Variants in RNF138 observed in about 807,000 individuals in gnomAD.
RNF138 encodes E3 ubiquitin-protein ligase RNF138.
RNF138 carries 12 observed loss-of-function variants against 31.0 expected under a neutral mutation model. The ratio of observed to expected loss-of-function variants is 0.39; its 90% CI spans 0.25 to 0.63. The LOEUF (loss-of-function observed/expected upper bound fraction) is 0.63, where lower values mean the gene tolerates loss of function less well. RNF138 is among the 20% of genes least tolerant of loss of function. The pLI, the probability that RNF138 is intolerant of heterozygous loss-of-function variation, is 0.52. For missense variants in RNF138, 192 were observed against 300.1 expected (o/e 0.64, Z 2.66); for synonymous variants, 105 against 99.5 (o/e 1.06, Z -0.33).
chr18:32,100,912 T>C (rs1005605124), intron 2 of RNF138, among the ~76,000 whole-genome samples: 16 of 152,336 alleles, frequency 1.1e-4, no homozygotes, highest in African/African-American at 3.4e-4. Flanking sequence ...GCCTGAGATA[T>C]ATTTAAATTA....
intron 4 of RNF138, among the ~76,000 whole-genome samples, chr18:32,118,981 C>T (rs533340171): frequency 6.6e-6 from 1 of 152,106 alleles, no homozygotes; most frequent in African/African-American, 2.4e-5. Context: ...CTTTTTATAT[C>T]ATGCCTGAGA....
chr18:32,117,153 C>T (rs773327715), intron 4 of RNF138, among the ~76,000 whole-genome samples: 4 of 151,662 alleles, frequency 2.6e-5, no homozygotes, highest in African/African-American at 4.9e-5. Context: ...CCACCTGCCT[C>T]GGCCTCCCAA....
chr18:32,095,322 T>C (rs2039785433), intron 2 of RNF138, among the ~76,000 whole-genome samples: 1 of 152,056 alleles, frequency 6.6e-6, no homozygotes, highest in Non-Finnish European at 1.5e-5. Context: ...GGAGCATGCC[T>C]CCATGCCTGA....
intron 3 of RNF138, 57 bp downstream of exon 3, chr18:32,111,976 T>C: frequency 7.1e-7 from 1 of 1,418,110 alleles, no homozygotes; most frequent in Non-Finnish European, 9.5e-7. Context: ...TCTGAAATTC[T>C]TATTTGAATT....
In RNF138 at chr18:32,130,518, C is replaced by G. The variant is rs2040456081; in HGVS notation, c.*1331C>G. ...GACTAAGAGTGGATTTGCTGACATT[C>G]CATACTAATATACATTGTTTATGCT... On this transcript the variant is annotated 3_prime_UTR_variant, in exon 8 of 8. Transcript: ENST00000261593. The G allele has an allele frequency of 6.6e-6, 1 of 152,268 alleles. No homozygotes were observed. The allele number at this position is 152,268 out of a possible 1,614,324, so 9.4% of individuals were successfully genotyped here. A position where few individuals can be genotyped will look rare whatever the true frequency, so the allele number is the denominator to read the frequency against.
rs947488658 is a variant in RNF138, at chr18:32,092,941, TCCGGCCCGGGACC to T, written c.110+60_110+72del. The stretch of plus-strand genomic sequence containing the variant: ...GCCGGGTTGTCGCTTAGGCCCGGCC[TCCGGCCCGGGACC>T]CCGGGCTGCCGCCTGGCGGGAACCG... On this transcript the variant is annotated intron_variant, in intron 2 of 7. Coordinates refer to ENST00000261593, the MANE Select transcript of RNF138 (RefSeq NM_016271.5). 5 of 1,074,514 alleles carry T rather than the reference TCCGGCCCGGGACC, an allele frequency of 4.7e-6. No individual in the cohort carries two copies. The African/African-American group carries it at 8.4e-5, about 18-fold the overall frequency. 66.6% of individuals were successfully genotyped at this position (1,074,514 alleles called of 1,614,324 possible).
chr18:32,131,123 T>A lies in RNF138; in HGVS notation c.*1936T>A, dbSNP rs1055156482. 4.6e-5 allele frequency: 7 copies of A among 152,572 alleles called. No homozygotes were observed. The highest frequency in any genetic ancestry group is 4.1e-4 in the South Asian group (2 of 4,820). The allele number at this position is 152,572 out of a possible 1,614,324, so 9.5% of individuals were successfully genotyped here. On this transcript the variant is annotated 3_prime_UTR_variant, in exon 8 of 8. Transcript: ENST00000261593. ...TAAACCATTCTGGGATTTGGGAACT[T>A]CTTTAAAGGAAAATTGTAGTAGAGG...
chr18:32,094,081 G>A (rs908503476), intron 2 of RNF138, among the ~76,000 whole-genome samples: 1 of 152,098 alleles, frequency 6.6e-6, no homozygotes, highest in Non-Finnish European at 1.5e-5. Flanking sequence ...GTGAGCCACC[G>A]CGCCCCGCCC....
intron 3 of RNF138, among the ~76,000 whole-genome samples, chr18:32,112,947 C>T (rs2040157422): frequency 6.6e-6 from 1 of 152,180 alleles, no homozygotes; most frequent in African/African-American, 2.4e-5. Context: ...CAAGTCAGAT[C>T]TGCTTTTACA....
At chr18:32,113,987 T>A (rs1275445843) in intron 4 of RNF138, 127 bp downstream of exon 4, 8 of 537,884 alleles carry the variant, frequency 1.5e-5, no homozygotes, top group African/African-American at 2.0e-5. Context: ...TTAAAGTGAA[T>A]TGCCAAGTAT....
chr18:32,123,112 C>T (rs147966169), intron 4 of RNF138, among the ~76,000 whole-genome samples: 182 of 152,244 alleles, frequency 1.2e-3, no homozygotes, highest in African/African-American at 4.2e-3. Flanking sequence ...TAACCTTATA[C>T]CATGTCCTAG....
At chr18:32,098,957 A>G (rs1294630132) in intron 2 of RNF138, among the ~76,000 whole-genome samples, 1 of 146,112 alleles carries the variant, frequency 6.8e-6, no homozygotes, top group Non-Finnish European at 1.5e-5. Flanking sequence ...GATCTCGATT[A>G]TCGACTCGGA....
chr18:32,107,116 CTTT>C (rs58774714), intron 2 of RNF138, among the ~76,000 whole-genome samples: 3 of 100,582 alleles, frequency 3.0e-5, no homozygotes, highest in Non-Finnish European at 1.9e-5. Context: ...TCCTTTTTTC[CTTT>C]TTTTTTTTTT....
At chr18:32,112,897 AT>A (rs564286842) in intron 3 of RNF138, among the ~76,000 whole-genome samples, 109 of 152,312 alleles carry the variant, frequency 7.2e-4, no homozygotes, top group African/African-American at 2.2e-3. Context: ...TAGCTAATGA[AT>A]TCAGTGAGCA....
chr18:32,092,422 G>T (rs895991764), intron 1 of RNF138, among the ~76,000 whole-genome samples, 187 bp downstream of exon 1: 1 of 151,986 alleles, frequency 6.6e-6, no homozygotes, highest in Non-Finnish European at 1.5e-5. Context: ...CGCGCCTGGA[G>T]CCCGGTGAGG....
At position 32,107,899 on chromosome 18, in the gene RNF138, G is replaced by A. The variant is rs1473800731; in HGVS notation, c.111-3855G>A. On this transcript the variant is annotated intron_variant, in intron 2 of 7. Coordinates refer to ENST00000261593, the MANE Select transcript of RNF138 (RefSeq NM_016271.5). ...TTTTTTGGAGACGGATTCTCGCTCT[G>A]TCGCCCAGATTGGGGCGCGATCTCG... Among the ~76,000 whole-genome samples the A allele has an allele frequency of 4.6e-5, 7 of 151,870 alleles. No individual in the cohort carries two copies. The East Asian group carries it at 1.4e-3, about 29-fold the overall frequency.
chr18:32,114,069 C>T, intron 4 of RNF138: 1 of 358,984 alleles, frequency 2.8e-6, no homozygotes, highest in Non-Finnish European at 5.0e-6. Flanking sequence ...ACTTCATGAA[C>T]TTCAGCTTAT....
intron 4 of RNF138, among the ~76,000 whole-genome samples, chr18:32,118,230 T>C (rs7229437): frequency 0.17 from 25,555 of 152,240 alleles, 2,238 homozygotes; most frequent in South Asian, 0.2. Context: ...TCTTCATATA[T>C]TCTGGATAGT....
At chr18:32,128,585 A>T (rs961193254) in intron 7 of RNF138, among the ~76,000 whole-genome samples, 2 of 152,226 alleles carry the variant, frequency 1.3e-5, no homozygotes, top group Non-Finnish European at 2.9e-5. Flanking sequence ...TTGTTTTCTT[A>T]AAATCAGTTT....
Sources: gnomAD v4.1 joint callset for allele counts (sites outside exome capture counted in the v4.1 genomes callset) on GRCh38, gnomAD v4.1.1 for gene constraint, MANE v1.5 for transcripts, NCBI Gene and HGNC (gene_info 2026-07-23, HGNC 2026-07-21) for gene names.